Variants in HDAC4 observed in about 807,000 individuals in gnomAD.
HDAC4 encodes the protein histone deacetylase A.
Under a neutral mutation model 135.1 loss-of-function variants are expected in HDAC4, and 16 were observed. That is an observed-to-expected ratio of 0.12 (90% CI 0.08 to 0.18). The LOEUF is 0.18. HDAC4 is among the 10% of genes least tolerant of loss of function. HDAC4 has a pLI of 1.00. For missense variants in HDAC4, 1,143 were observed against 1,511.8 expected (o/e 0.76, Z 4.05); for synonymous variants, 685 against 653.4 (o/e 1.05, Z -0.74).
intron 2 of HDAC4, among the ~76,000 whole-genome samples, chr2:239,259,618 G>A (rs188001795): frequency 9.3e-4 from 142 of 152,278 alleles, no homozygotes; most frequent in African/African-American, 3.4e-3. Context: ...CCACTTCAAA[G>A]GCTTAGAAAC....
chr2:239,258,077 GTT>G (rs1427751408), intron 2 of HDAC4, among the ~76,000 whole-genome samples: 1 of 152,202 alleles, frequency 6.6e-6, no homozygotes, highest in Non-Finnish European at 1.5e-5. Flanking sequence ...TGATTTCTAT[GTT>G]TAAGAAGATG....
chr2:239,380,522 C>A (rs1303922450), intron 1 of HDAC4, among the ~76,000 whole-genome samples: 1 of 152,098 alleles, frequency 6.6e-6, no homozygotes, highest in African/African-American at 2.4e-5. Context: ...TTCAGAAGAA[C>A]CACCTGCCTT....
At chr2:239,220,621 C>G (rs2046893082) in intron 3 of HDAC4, among the ~76,000 whole-genome samples, 1 of 152,170 alleles carries the variant, frequency 6.6e-6, no homozygotes, top group African/African-American at 2.4e-5. Flanking sequence ...CAACGACACA[C>G]AGAGTTAGCG....
intron 5 of HDAC4, among the ~76,000 whole-genome samples, chr2:239,172,775 C>T (rs932915803): frequency 6.6e-6 from 1 of 151,798 alleles, no homozygotes; most frequent in African/African-American, 2.4e-5. Flanking sequence ...AAAACAGCAG[C>T]AATAAAGAGA....
chr2:239,080,992 C>A, intron 22 of HDAC4, 103 bp downstream of exon 22: 1 of 872,530 alleles, frequency 1.1e-6, no homozygotes, highest in Non-Finnish European at 1.8e-6. Context: ...CGTTCAGCCA[C>A]AGACCAGTTT....
rs1451199331 is a variant in HDAC4, at chr2:239,288,838, A to C, written c.23-52174T>G. 3.9e-5 allele frequency among the ~76,000 whole-genome samples: 6 copies of C among 152,224 alleles called. No individual in the cohort carries two copies. The East Asian group carries it at 1.2e-3, about 29-fold the overall frequency. ...AGGGAAAGAGAAGCCACACACACAA[A>C]TATACTGTCAGGATGCCAACCCTGC... On this transcript the variant is annotated intron_variant, in intron 2 of 26. Transcript: ENST00000543185.
chr2:239,384,580 G>A (rs908260), intron 1 of HDAC4, among the ~76,000 whole-genome samples: 20,476 of 152,030 alleles, frequency 0.13, 2,284 homozygotes, highest in East Asian at 0.5. Context: ...TTGTCCCACT[G>A]CACTCCGGCC....
At position 239,134,449 on chromosome 2, in the gene HDAC4, AAGCAC is replaced by A. The variant is rs1343995057; in HGVS notation, c.1096-11_1096-7del. 6.2e-7 allele frequency: 1 copy of A among 1,613,736 alleles called. No individual in the cohort carries two copies. The highest frequency in any genetic ancestry group is 1.7e-5 in the Admixed American group (1 of 59,990). ...TCCTGCTGGCCCGCCGTGCCCTGGA[AAGCAC>A]AGCCAGGATGCTCGGGTGGAAGGAC... is the stretch of plus-strand genomic sequence containing the variant. On this transcript the variant is annotated splice_polypyrimidine_tract_variant and splice_region_variant and intron_variant, in intron 10 of 26. Transcript: ENST00000543185.
intron 17 of HDAC4, chr2:239,094,382 A>G: frequency 1.0e-6 from 1 of 985,408 alleles, no homozygotes; most frequent in Non-Finnish European, 1.2e-6. Flanking sequence ...TTGTGAACTT[A>G]TGCGCCCAGG....
intron 3 of HDAC4, among the ~76,000 whole-genome samples, chr2:239,193,276 AG>A (rs1160855672): frequency 6.6e-6 from 1 of 152,220 alleles, no homozygotes; most frequent in Non-Finnish European, 1.5e-5. Context: ...AGATGGAGGG[AG>A]GGGGCAGCAT....
chr2:239,400,383 G>C lies in HDAC4; in HGVS notation c.-220+595C>G, dbSNP rs1286117112. The C allele has an allele frequency of 2.7e-5, 4 of 147,402 alleles. No homozygotes were observed. The highest frequency in any genetic ancestry group is 2.1e-4 in the South Asian group (1 of 4,844). 9.1% of individuals were successfully genotyped at this position (147,402 alleles called of 1,614,324 possible). A position where few individuals can be genotyped will look rare whatever the true frequency, so the allele number is the denominator to read the frequency against. Reference sequence around the variant, plus strand: ...CCGGCGGCCCGGAGCCCACCTGCTCGGGGGGCGCGGGCCCCGCACCGGGAG... The same window carrying C: ...CCGGCGGCCCGGAGCCCACCTGCTCCGGGGGCGCGGGCCCCGCACCGGGAG... On this transcript the variant is annotated intron_variant, in intron 1 of 26. Transcript: ENST00000543185. This position sits in a 1 kb window ranked among gnomAD's most constrained non-coding sequence, Gnocchi z 4.7.
chr2:239,079,118 C>T (rs545936268), intron 22 of HDAC4, among the ~76,000 whole-genome samples: 3 of 152,296 alleles, frequency 2.0e-5, no homozygotes, highest in South Asian at 2.1e-4. Flanking sequence ...TGAGGGGCAA[C>T]GGGAGCACAT....
chr2:239,249,063 C>T (rs2048630102), intron 2 of HDAC4, among the ~76,000 whole-genome samples: 1 of 152,216 alleles, frequency 6.6e-6, no homozygotes. Context: ...AGGGACTGTT[C>T]TTTTAGACAA....
intron 1 of HDAC4, among the ~76,000 whole-genome samples, chr2:239,368,683 G>A (rs955391375): frequency 2.0e-5 from 3 of 152,152 alleles, no homozygotes; most frequent in African/African-American, 2.4e-5. Flanking sequence ...TCAAGCTGCA[G>A]GTGCCTCTCC....
At chr2:239,203,781 G>A (rs138408897) in intron 3 of HDAC4, among the ~76,000 whole-genome samples, 211 of 152,304 alleles carry the variant, frequency 1.4e-3, no homozygotes, top group African/African-American at 5.0e-3. Flanking sequence ...TGTATGCAAA[G>A]CAGTGGAGAT....
At chr2:239,289,204 C>G (rs2051315771) in intron 2 of HDAC4, among the ~76,000 whole-genome samples, 1 of 152,168 alleles carries the variant, frequency 6.6e-6, no homozygotes, top group Non-Finnish European at 1.5e-5. Context: ...ACCCTGCACC[C>G]CACACAAAAA....
At chr2:239,241,496 T>A (rs769842315) in intron 2 of HDAC4, among the ~76,000 whole-genome samples, 11 of 152,382 alleles carry the variant, frequency 7.2e-5, no homozygotes, top group Middle Eastern at 3.4e-3. Flanking sequence ...TTTTTCTTAT[T>A]GATTCAGAGG....
rs1222008708 is a variant in HDAC4 at position 239,167,151 on chromosome 2, ACACTTT to A, written c.491-3234_491-3229del. Among the ~76,000 whole-genome samples the A allele has an allele frequency of 2.2e-4, 33 of 152,220 alleles. No homozygotes were observed. The highest frequency in any genetic ancestry group is 7.5e-4 in the African/African-American group (31 of 41,544). ...GGTGTGCGGGACGAGGACGCCCTCA[ACACTTT>A]CCAGTAGACCCAAACTCAGTGCAGT... On this transcript the variant is annotated intron_variant, in intron 5 of 26. Coordinates refer to ENST00000543185, the MANE Select transcript of HDAC4 (RefSeq NM_001378414.1). The surrounding 1 kb of genome is among the most constrained non-coding windows in gnomAD (Gnocchi z 4.1).
chr2:239,238,134 G>A (rs2047990128), intron 2 of HDAC4, among the ~76,000 whole-genome samples: 1 of 152,136 alleles, frequency 6.6e-6, no homozygotes, highest in South Asian at 2.1e-4. Flanking sequence ...TGTCTCAAGA[G>A]AACCTTCACT....
Sources: allele counts gnomAD v4.1 joint callset (sites outside exome capture counted in the v4.1 genomes callset), GRCh38; gene constraint gnomAD v4.1.1; non-coding constraint Gnocchi (gnomAD v3.1); transcripts MANE v1.5; gene names NCBI Gene and HGNC (gene_info 2026-07-23, HGNC 2026-07-21).